The following RUVBL2 variants were observed in gnomAD, a reference collection of about 807,000 sequenced individuals.
RUVBL2 encodes ruvB-like 2.
A neutral mutation model predicts 57.9 loss-of-function variants in RUVBL2; 9 were observed. The ratio of observed to expected loss-of-function variants is 0.16; its 90% CI spans 0.09 to 0.27. The LOEUF (loss-of-function observed/expected upper bound fraction) is 0.27, where lower values mean the gene tolerates loss of function less well. Among genes scored for constraint, RUVBL2 ranks in the 10% least tolerant of loss-of-function variants. The pLI is 1.00. For synonymous variants in RUVBL2, 278 were observed against 264.6 expected, an observed-to-expected ratio of 1.05 and a Z score of -0.49; for missense variants, 456 against 669.6, an observed-to-expected ratio of 0.68 and a Z score of 3.52.
intron 3 of RUVBL2, among the ~76,000 whole-genome samples, chr19:49,003,657 G>T (rs568901598): frequency 6.6e-6 from 1 of 151,982 alleles, no homozygotes; most frequent in East Asian, 1.9e-4. Context: ...GGTGGTGCAT[G>T]CCTGTAATTC....
At chr19:48,997,604 A>G (rs1388323230) in intron 1 of RUVBL2, among the ~76,000 whole-genome samples, 29 of 148,872 alleles carry the variant, frequency 1.9e-4, no homozygotes, top group Non-Finnish European at 3.9e-4. Context: ...ACTCCAGCCT[A>G]GGTGACAGAG....
upstream of RUVBL2, chr19:48,993,659 C>T: frequency 3.4e-6 from 2 of 592,132 alleles, no homozygotes; most frequent in South Asian, 2.0e-5. Flanking sequence ...CTGAGCGGGG[C>T]GGTGGTGGGG....
Position 49,011,891 on chromosome 19 carries a change from T to C in RUVBL2, c.1001+581T>C, listed in dbSNP as rs143405285. Among the ~76,000 whole-genome samples the C allele has an allele frequency of 2.6e-5, 3 of 115,682 alleles. No individual in the cohort carries two copies. Among genetic ancestry groups the C allele is most frequent in the Admixed American group, 1.1e-4 (1 of 9,492 alleles). 75.9% of individuals were successfully genotyped at this position (115,682 alleles called of 152,430 possible). The stretch of plus-strand genomic sequence containing the variant: ...CAGATTCCTGTGACACAGAGGGTAC[T>C]GTGCTGTGCTGAAGCCTGGGAACCT... On this transcript the variant is annotated intron_variant, in intron 11 of 14. Coordinates refer to ENST00000595090, the MANE Select transcript of RUVBL2 (RefSeq NM_006666.3). The surrounding 1 kb of genome is among the most constrained non-coding windows in gnomAD (Gnocchi z 4.4).
At chr19:49,007,254 C>T (rs377372058) in intron 5 of RUVBL2, 48 bp from the exon 6 acceptor site, 37 of 1,607,256 alleles carry the variant, frequency 2.3e-5, no homozygotes, top group African/African-American at 4.0e-5. Context: ...TTGTGATTCC[C>T]GAGGGTCCAG....
chr19:49,010,257 C>T, intron 8 of RUVBL2, 191 bp downstream of exon 8: 1 of 701,272 alleles, frequency 1.4e-6, no homozygotes, highest in Non-Finnish European at 2.4e-6. Flanking sequence ...CGCATGGCCA[C>T]ATGTGGCCTG....
At chr19:48,993,876 C>T (rs529063550), upstream of RUVBL2, 7 of 1,614,040 alleles carry the variant, frequency 4.3e-6, no homozygotes, top group East Asian at 6.7e-5. Flanking sequence ...TCGCGCGTTT[C>T]CGTTTCCGCT....
rs757705229 is a variant in RUVBL2 at position 49,015,042 on chromosome 19, G to C, written c.1143G>C (p.Glu381Asp). 4 of 1,605,540 alleles carry C rather than the reference G, an allele frequency of 2.5e-6. No homozygotes were observed. The highest frequency in any genetic ancestry group is 1.7e-5 in the Admixed American group (1 of 59,498). ...GCAGGTGCGAGGAAGAAGATGTGGA[G>C]ATGAGTGAGGACGCCTACACGGTGC... is the stretch of plus-strand genomic sequence containing the variant. Reference protein sequence around the residue: ...LRIRCEEEDVEMSEDAYTVLT... With the variant: ...LRIRCEEEDVDMSEDAYTVLT... The change falls in exon 13 of 15, where the codon GAG (glutamate) becomes GAC (aspartate). Residue 381 changes from glutamate to aspartate, a missense_variant. By Grantham distance (45) the Glu-to-Asp change is conservative. Around this residue, in one of 5 missense-constraint regions of RUVBL2, gnomAD observed 130 missense variants for 243.0 expected, o/e 0.53. Coordinates refer to ENST00000595090, the MANE Select transcript of RUVBL2 (RefSeq NM_006666.3).
At chr19:49,004,256 A>C in intron 3 of RUVBL2, 21 bp from the exon 4 acceptor site, 1 of 1,608,388 alleles carries the variant, frequency 6.2e-7, no homozygotes, top group East Asian at 2.2e-5. Context: ...AAATCACCTC[A>C]TGTGCGCCTC....
At chr19:49,014,650 T>TA in intron 12 of RUVBL2, 47 bp downstream of exon 12, 1 of 1,604,568 alleles carries the variant, frequency 6.2e-7, no homozygotes, top group Non-Finnish European at 8.5e-7. Context: ...GGCTGGGGTC[T>TA]ACCCTGTTTG....
chr19:49,009,686 A>G, intron 6 of RUVBL2, 90 bp from the exon 7 acceptor site: 1 of 1,121,786 alleles, frequency 8.9e-7, no homozygotes, highest in Non-Finnish European at 1.3e-6. Context: ...CAGAGGCCAG[A>G]GCAGAGCCAG....
Position 49,004,325 on chromosome 19 carries a change from G to C in RUVBL2, c.172G>C (p.Val58Leu). The C allele has an allele frequency of 6.2e-7, 1 of 1,611,174 alleles. No homozygotes were observed. Among genetic ancestry groups the C allele is most frequent in the Non-Finnish European group, 8.5e-7 (1 of 1,179,780 alleles). ...GQLAARRAAGVVLEMIREGKI... is the reference protein window; with the variant it reads ...GQLAARRAAGLVLEMIREGKI... ...GCTGGCGGCACGGCGGGCGGCTGGC[G>C]TGGTGCTGGAGATGATCCGGGAAGG... is the stretch of plus-strand genomic sequence containing the variant. Residue 58 changes from valine (V) to leucine (L), a missense_variant, in exon 4 of 15, where the codon GTG becomes CTG. Around this residue, in one of 5 missense-constraint regions of RUVBL2, gnomAD observed 233 missense variants for 306.0 expected, o/e 0.76. Coordinates refer to ENST00000595090, the MANE Select transcript of RUVBL2 (RefSeq NM_006666.3).
intron 8 of RUVBL2, 183 bp downstream of exon 8, chr19:49,010,249 C>CA: frequency 7.1e-6 from 5 of 706,906 alleles, no homozygotes; most frequent in Non-Finnish European, 9.5e-6. Context: ...TATAGCTTCG[C>CA]ATGGCCACAT....
intron 4 of RUVBL2, among the ~76,000 whole-genome samples, chr19:49,005,014 A>G (rs2039256330): frequency 1.3e-5 from 2 of 151,332 alleles, no homozygotes; most frequent in African/African-American, 4.9e-5. Flanking sequence ...TTCTAGAACT[A>G]AGGAAGAAGG....
intron 11 of RUVBL2, among the ~76,000 whole-genome samples, chr19:49,012,030 A>G (rs1559154): frequency 0.55 from 83,959 of 151,878 alleles, 23,582 homozygotes; most frequent in Admixed American, 0.63. Flanking sequence ...AAGCAGGGGG[A>G]TGTGGAGGGC....
chr19:48,997,779 G>A (rs1435020470), intron 1 of RUVBL2, among the ~76,000 whole-genome samples: 5 of 152,104 alleles, frequency 3.3e-5, no homozygotes, highest in Non-Finnish European at 7.4e-5. Flanking sequence ...TGTGAATAGT[G>A]CTGCCGTGAA....
At chr19:49,000,788 G>A (rs1285480841) in intron 2 of RUVBL2, among the ~76,000 whole-genome samples, 15 of 152,074 alleles carry the variant, frequency 9.9e-5, no homozygotes, top group Non-Finnish European at 1.6e-4. Flanking sequence ...GGAGGCAGAG[G>A]TTGCAGTGAG....
At chr19:49,010,092 C>CG (rs760635195) in intron 8 of RUVBL2, 26 bp downstream of exon 8, 3 of 1,603,142 alleles carry the variant, frequency 1.9e-6, no homozygotes, top group Non-Finnish European at 2.6e-6. Context: ...CCGGGATCCC[C>CG]TCGCCCCCAG....
At chr19:49,003,470 CAT>C (rs1259455185) in intron 3 of RUVBL2, 136 bp downstream of exon 3, 2 of 744,350 alleles carry the variant, frequency 2.7e-6, no homozygotes, top group African/African-American at 1.8e-5. Context: ...ACTTCAACCA[CAT>C]GTGGGTTTTC....
chr19:48,997,633 A>G (rs923872932), intron 1 of RUVBL2, among the ~76,000 whole-genome samples: 1 of 151,596 alleles, frequency 6.6e-6, no homozygotes, highest in Non-Finnish European at 1.5e-5. Flanking sequence ...TGTCTCAAAA[A>G]AAAAAAAAAA....
Sources: gnomAD v4.1 joint callset for allele counts (sites outside exome capture counted in the v4.1 genomes callset) on GRCh38, gnomAD v4.1.1 for gene constraint, gnomAD v4.1.1 regional missense constraint, Gnocchi (gnomAD v3.1) non-coding constraint, MANE v1.5 for transcripts, NCBI Gene and HGNC (gene_info 2026-07-23, HGNC 2026-07-21) for gene names.